NCK2: variants seen among roughly 807,000 people sequenced by gnomAD.
NCK2 encodes NCK adaptor protein 2, also known as cytoplasmic protein NCK2.
Under a neutral mutation model 33.9 loss-of-function variants are expected in NCK2, and 16 were observed. That is an observed-to-expected ratio of 0.47 (90% CI 0.32 to 0.72). The LOEUF (loss-of-function observed/expected upper bound fraction) is 0.72. Among genes scored for constraint, NCK2 ranks in the 30% least tolerant of loss-of-function variants. NCK2 has a pLI of 0.03. For missense variants in NCK2, 418 were observed against 537.3 expected, an observed-to-expected ratio of 0.78 and a Z score of 2.19; for synonymous variants, 273 against 239.9, an observed-to-expected ratio of 1.14 and a Z score of -1.27.
chr2:105,853,323 T>A (rs1373826705), intron 2 of NCK2, among the ~76,000 whole-genome samples: 1 of 152,232 alleles, frequency 6.6e-6, no homozygotes, highest in Non-Finnish European at 1.5e-5. Context: ...CTTTTGCTAT[T>A]TATTACTTCC....
At chr2:105,779,785 C>T (rs1381731120) in intron 1 of NCK2, among the ~76,000 whole-genome samples, 1 of 152,074 alleles carries the variant, frequency 6.6e-6, no homozygotes, top group African/African-American at 2.4e-5. Flanking sequence ...CATAGTAATT[C>T]CCTAGCAGAA....
intron 2 of NCK2, among the ~76,000 whole-genome samples, chr2:105,830,439 CTG>C (rs1328823221): frequency 6.6e-6 from 1 of 152,110 alleles, no homozygotes; most frequent in East Asian, 1.9e-4. Context: ...TAGTATTCCA[CTG>C]TGTATATGTA....
intron 2 of NCK2, among the ~76,000 whole-genome samples, chr2:105,845,976 A>G (rs1676840794): frequency 6.6e-6 from 1 of 152,170 alleles, no homozygotes; most frequent in Non-Finnish European, 1.5e-5. Flanking sequence ...GGCAGAAGGC[A>G]GTGTTGATTC....
chr2:105,873,321 A>G (rs554161199), intron 3 of NCK2, among the ~76,000 whole-genome samples: 2 of 151,996 alleles, frequency 1.3e-5, no homozygotes, highest in East Asian at 3.9e-4. Context: ...CCCTAAGTCA[A>G]CTCTGAGAGC....
At chr2:105,769,945 C>T (rs2104377149) in intron 1 of NCK2, among the ~76,000 whole-genome samples, 1 of 152,184 alleles carries the variant, frequency 6.6e-6, no homozygotes, top group African/African-American at 2.4e-5. Flanking sequence ...AATGCCTTGG[C>T]CCCGCCATGA....
At chr2:105,795,367 G>A (rs947101643) in intron 1 of NCK2, among the ~76,000 whole-genome samples, 1 of 152,112 alleles carries the variant, frequency 6.6e-6, no homozygotes, top group Admixed American at 6.5e-5. Flanking sequence ...GAGGTCAAAG[G>A]TGGTTTTCTA....
At chr2:105,872,325 G>A (rs1678049190) in intron 3 of NCK2, among the ~76,000 whole-genome samples, 1 of 152,112 alleles carries the variant, frequency 6.6e-6, no homozygotes. Context: ...TCACAGTGTG[G>A]CCCTAACACC....
chr2:105,783,859 C>T (rs1054869302), intron 1 of NCK2, among the ~76,000 whole-genome samples: 1 of 152,060 alleles, frequency 6.6e-6, no homozygotes, highest in East Asian at 1.9e-4. Flanking sequence ...GGAGTTGTTT[C>T]GCTTCTCCCT....
intron 1 of NCK2, among the ~76,000 whole-genome samples, chr2:105,748,097 C>G (rs1689347003): frequency 6.6e-6 from 1 of 152,168 alleles, no homozygotes; most frequent in South Asian, 2.1e-4. Context: ...CCTCAAGAAT[C>G]TTAGTCCTTG....
At chr2:105,849,021 T>G (rs945493143) in intron 2 of NCK2, among the ~76,000 whole-genome samples, 9 of 152,252 alleles carry the variant, frequency 5.9e-5, no homozygotes, top group Non-Finnish European at 1.0e-4. Context: ...TTTTGAAATT[T>G]CAAGTTAATA....
intron 1 of NCK2, among the ~76,000 whole-genome samples, chr2:105,813,614 C>T (rs1185473018): frequency 6.6e-6 from 1 of 152,204 alleles, no homozygotes; most frequent in African/African-American, 2.4e-5. Flanking sequence ...GCCACGACTG[C>T]TTGCAGGGGG....
chr2:105,833,040 C>T, intron 2 of NCK2, among the ~76,000 whole-genome samples: 1 of 145,474 alleles, frequency 6.9e-6, no homozygotes, highest in Non-Finnish European at 1.5e-5. Flanking sequence ...TCTTGTTGCT[C>T]ATTATTAGTT....
intron 3 of NCK2, among the ~76,000 whole-genome samples, chr2:105,875,262 A>G (rs1678187385): frequency 6.6e-6 from 1 of 151,932 alleles, no homozygotes; most frequent in Non-Finnish European, 1.5e-5. Context: ...AGCCTCTGTC[A>G]CTCGTCTCAT....
chr2:105,791,676 A>G (rs1690889077), intron 1 of NCK2, among the ~76,000 whole-genome samples: 2 of 152,176 alleles, frequency 1.3e-5, no homozygotes, highest in South Asian at 4.1e-4. Context: ...TGCTTGATAC[A>G]GGGTTTCGTT....
At chr2:105,813,328 G>A (rs1159390810) in intron 1 of NCK2, among the ~76,000 whole-genome samples, 1 of 152,160 alleles carries the variant, frequency 6.6e-6, no homozygotes, top group Admixed American at 6.5e-5. Context: ...TTAGTCTCTT[G>A]GTGACTTCAG....
At chr2:105,814,128 A>C (rs760176997) in intron 1 of NCK2, among the ~76,000 whole-genome samples, 6 of 152,178 alleles carry the variant, frequency 3.9e-5, no homozygotes, top group Non-Finnish European at 8.8e-5. Context: ...TATAATTAAG[A>C]CCTGCTTTGA....
intron 3 of NCK2, among the ~76,000 whole-genome samples, chr2:105,856,437 T>C (rs1677274397): frequency 6.6e-6 from 1 of 152,216 alleles, no homozygotes; most frequent in South Asian, 2.1e-4. Flanking sequence ...TGTGTCACAT[T>C]TACTTGGGGT....
intron 4 of NCK2, among the ~76,000 whole-genome samples, chr2:105,891,550 TTTTTTTTTTTTTTTTTTTG>T (rs1678979612): frequency 7.6e-4 from 9 of 11,902 alleles, no homozygotes; most frequent in Admixed American, 6.7e-3. Flanking sequence ...TTTTTTTTTT[TTTTTTTTTTTTTTTTTTTG>T]AGATTTTTCG....
intron 3 of NCK2, among the ~76,000 whole-genome samples, chr2:105,878,709 T>C (rs569369379): frequency 1.7e-4 from 26 of 152,284 alleles, no homozygotes; most frequent in Non-Finnish European, 2.8e-4. Context: ...CAGAGAGACA[T>C]TTATTAAGTA....
Sources: gnomAD v4.1 joint callset for allele counts (sites outside exome capture counted in the v4.1 genomes callset) on GRCh38, gnomAD v4.1.1 for gene constraint, MANE v1.5 for transcripts, NCBI Gene and HGNC (gene_info 2026-07-23, HGNC 2026-07-21) for gene names.